Variants in BRF1 observed in about 807,000 individuals in gnomAD.
BRF1 encodes the protein transcription factor IIIB 90 kDa subunit.
In BRF1, 59 loss-of-function variants were observed where a neutral mutation model predicts 81.7. The ratio of observed to expected loss-of-function variants is 0.72; its 90% confidence interval spans 0.59 to 0.90. BRF1 has a LOEUF of 0.90. Among genes scored for constraint, BRF1 ranks in the 40% least tolerant of loss-of-function variants. BRF1 has a pLI of 0.00. For missense variants in BRF1, 1,050 were observed against 936.3 expected (o/e 1.12, Z -1.58); for synonymous variants, 491 against 395.6 (o/e 1.24, Z -2.86).
chr14:105,311,847 C>A (rs2058358358), intron 1 of BRF1, among the ~76,000 whole-genome samples: 1 of 152,232 alleles, frequency 6.6e-6, no homozygotes, highest in East Asian at 1.9e-4. Flanking sequence ...TCCTCCTCAG[C>A]CTCAGTCATG....
At chr14:105,250,934 G>A (rs2055571900) in intron 5 of BRF1, 1 of 479,196 alleles carries the variant, frequency 2.1e-6, no homozygotes, top group Non-Finnish European at 3.8e-6. Context: ...CCCTCCCAGT[G>A]GCACCCATGC....
At chr14:105,222,411 C>G (rs1892422067) in intron 10 of BRF1, 1 of 154,766 alleles carries the variant, frequency 6.5e-6, no homozygotes, top group Non-Finnish European at 1.4e-5. Context: ...GGAAAAAGAT[C>G]TGAACACTCC....
intron 5 of BRF1, among the ~76,000 whole-genome samples, chr14:105,252,112 CTT>C (rs750536869): frequency 6.6e-6 from 1 of 152,190 alleles, no homozygotes; most frequent in Non-Finnish European, 1.5e-5. Context: ...GCACGCAGCA[CTT>C]GTTTCCCTGT....
chr14:105,275,657 T>TGGGACTCGATCCC (rs1255809759), intron 2 of BRF1, among the ~76,000 whole-genome samples: 1 of 152,240 alleles, frequency 6.6e-6, no homozygotes, highest in Non-Finnish European at 1.5e-5. Context: ...CACTTGAGGC[T>TGGGACTCGATCCC]GGGACTCGAT....
chr14:105,215,616 C>G (rs1334225600), intron 15 of BRF1, among the ~76,000 whole-genome samples: 1 of 148,420 alleles, frequency 6.7e-6, no homozygotes, highest in Non-Finnish European at 1.5e-5. Flanking sequence ...TACACAGAAA[C>G]AGGCACACAC....
At chr14:105,218,597 G>A (rs1891714958) in intron 14 of BRF1, among the ~76,000 whole-genome samples, 1 of 152,232 alleles carries the variant, frequency 6.6e-6, no homozygotes. Context: ...CCGCCAGAGA[G>A]TAAGCTGGCA....
At chr14:105,243,416 C>T (rs1201679764) in intron 5 of BRF1, among the ~76,000 whole-genome samples, 1 of 150,862 alleles carries the variant, frequency 6.6e-6, no homozygotes, top group Non-Finnish European at 1.5e-5. Context: ...TGCCACTGCA[C>T]TCCAGCCTGG....
rs200771345 is a variant in BRF1, at chr14:105,216,010, ACG to A, written c.1772+1532_1772+1533del. Among the ~76,000 whole-genome samples the A allele has an allele frequency of 1.4e-5, 2 of 142,234 alleles. 1 individual carries two copies. Among genetic ancestry groups the A allele is most frequent in the African/African-American group, 5.7e-5 (2 of 35,398 alleles). 93.3% of individuals were successfully genotyped at this position (142,234 alleles called of 152,430 possible). On this transcript the variant is annotated intron_variant, in intron 15 of 17. Transcript: ENST00000547530. Reference sequence around the variant, plus strand: ...CAGGCGCACACACACATGCACACACACGCTGCAGGCATACAGACACAGGCACA... The same window carrying A: ...CAGGCGCACACACACATGCACACACACTGCAGGCATACAGACACAGGCACA...
intron 16 of BRF1, 88 bp from the exon 17 acceptor site, chr14:105,211,381 G>A (rs1890089478): frequency 1.2e-5 from 15 of 1,276,228 alleles, no homozygotes; most frequent in Non-Finnish European, 1.5e-5. Flanking sequence ...GCTGGCCCAG[G>A]ATGCTCAGCC....
Position 105,300,692 on chromosome 14 carries a change from G to A in BRF1, c.-63C>T, listed in dbSNP as rs1315699463. ...GACTCTCAAGCCACCCGAGCCTCCG[G>A]AGCAGCCCGCGCCGCCCGCCCAGGC... On this transcript the variant is annotated 5_prime_UTR_variant, in exon 1 of 18. Coordinates refer to ENST00000547530, the MANE Select transcript of BRF1 (RefSeq NM_001519.4). 4.9e-6 allele frequency: 6 copies of A among 1,218,382 alleles called. No individual in the cohort carries two copies. The African/African-American group carries it at 6.3e-5, about 13-fold the overall frequency. 75.5% of individuals were successfully genotyped at this position (1,218,382 alleles called of 1,614,324 possible).
At chr14:105,285,590 G>T (rs1348287964) in intron 2 of BRF1, among the ~76,000 whole-genome samples, 1 of 152,146 alleles carries the variant, frequency 6.6e-6, no homozygotes, top group Non-Finnish European at 1.5e-5. Context: ...TCACGATTTG[G>T]ACTGGATTAG....
chr14:105,229,504 T>A (rs986995270), intron 6 of BRF1, among the ~76,000 whole-genome samples: 12 of 152,272 alleles, frequency 7.9e-5, no homozygotes, highest in East Asian at 5.8e-4. Flanking sequence ...GACCTGGGGC[T>A]CCAATTCCGG....
intron 5 of BRF1, chr14:105,248,986 C>T (rs926604666): frequency 2.0e-6 from 2 of 988,200 alleles, no homozygotes; most frequent in African/African-American, 1.8e-5. Context: ...AGCGCCCCCG[C>T]GCCAGCGCCG....
chr14:105,215,886 TAC>T (rs1265190784), intron 15 of BRF1, among the ~76,000 whole-genome samples: 1 of 52,286 alleles, frequency 1.9e-5, no homozygotes, highest in East Asian at 6.2e-4. Context: ...GCTGCAGGCA[TAC>T]AGACACAGGC....
Position 105,221,795 on chromosome 14 carries a change from G to A in BRF1, c.1168C>T (p.Pro390Ser). The A allele has an allele frequency of 6.2e-7, 1 of 1,611,856 alleles. No individual in the cohort carries two copies. The highest frequency in any genetic ancestry group is 1.1e-5 in the South Asian group (1 of 90,970). ...DLYRELLGGA[P>S]GSSEAAGSPE... Reference sequence around the variant, plus strand: ...CTTCCTGCTGCTTCCGAGCTGCCGGGGGCACCACCAAGGAGCTCCCGGTAT... The same window carrying A: ...CTTCCTGCTGCTTCCGAGCTGCCGGAGGCACCACCAAGGAGCTCCCGGTAT... Residue 390 changes from proline to serine, a missense_variant, in exon 11 of 18, where the codon CCC (proline) becomes TCC (serine). Around this residue, in one of 2 missense-constraint regions of BRF1, gnomAD observed 1,043 missense variants for 915.4 expected, o/e 1.14. Coordinates refer to ENST00000547530, the MANE Select transcript of BRF1 (RefSeq NM_001519.4).
chr14:105,228,546 A>G (rs989646776), intron 7 of BRF1, among the ~76,000 whole-genome samples: 1 of 151,288 alleles, frequency 6.6e-6, no homozygotes, highest in Non-Finnish European at 1.5e-5. Flanking sequence ...TGTTCCTCAA[A>G]AAAAAAAAAA....
In BRF1 at chr14:105,210,297, C is replaced by T. The variant is rs967655217; in HGVS notation, c.*254G>A. The T allele has an allele frequency of 1.5e-4, 77 of 520,196 alleles. No homozygotes were observed. Among genetic ancestry groups the T allele is most frequent in the Admixed American group, 5.9e-4 (18 of 30,454 alleles). 32.2% of individuals were successfully genotyped at this position (520,196 alleles called of 1,614,324 possible). Reference sequence around the variant, plus strand: ...CCTTGGATGAGTCGACGGCAGGCAGCGGGACCCAGCCCTGCACACACCCGG... The same window carrying T: ...CCTTGGATGAGTCGACGGCAGGCAGTGGGACCCAGCCCTGCACACACCCGG... On this transcript the variant is annotated 3_prime_UTR_variant, in exon 18 of 18. Transcript: ENST00000547530. The surrounding 1 kb of genome is among the most constrained non-coding windows in gnomAD (Gnocchi z 4.7).
intron 6 of BRF1, among the ~76,000 whole-genome samples, chr14:105,229,123 C>A (rs967339939): frequency 2.6e-5 from 4 of 152,212 alleles, no homozygotes; most frequent in South Asian, 2.1e-4. Flanking sequence ...TGCACCCATT[C>A]CATTTTCAAA....
At chr14:105,249,857 G>A (rs769584551) in intron 5 of BRF1, 1 of 1,612,798 alleles carries the variant, frequency 6.2e-7, no homozygotes, top group Non-Finnish European at 8.5e-7. Context: ...TGACGCACAG[G>A]CCGAGATGGC....
Sources: gnomAD v4.1 joint callset for allele counts (sites outside exome capture counted in the v4.1 genomes callset) on GRCh38, gnomAD v4.1.1 for gene constraint, gnomAD v4.1.1 regional missense constraint, Gnocchi (gnomAD v3.1) non-coding constraint, MANE v1.5 for transcripts, NCBI Gene and HGNC (gene_info 2026-07-23, HGNC 2026-07-21) for gene names.